The following CEP63 variants were observed in gnomAD, a reference collection of about 807,000 sequenced individuals.
CEP63 encodes the protein centrosomal protein of 63 kDa.
Under a neutral mutation model 89.1 loss-of-function variants are expected in CEP63, and 84 were observed. That is an observed-to-expected ratio of 0.94 (90% CI 0.79 to 1.13). CEP63 has a LOEUF of 1.13. Ranked by LOEUF, CEP63 falls within the 50% of genes most tolerant of loss-of-function variation. The pLI is 0.00. For synonymous variants in CEP63, 267 were observed against 272.5 expected, an observed-to-expected ratio of 0.98 and a Z score of 0.20; for missense variants, 838 against 813.3, an observed-to-expected ratio of 1.03 and a Z score of -0.37.
At chr3:134,775,440 C>T in the CEP63 span, among the ~76,000 whole-genome samples, 1 of 152,182 alleles carries the variant, frequency 6.6e-6, no homozygotes, top group Middle Eastern at 3.2e-3. Context: ...CTGAGGCTTT[C>T]CCTGAAGTGG....
intron 5 of CEP63, chr3:134,535,896 T>G (rs1950680779): frequency 6.6e-6 from 1 of 152,232 alleles, no homozygotes; most frequent in Admixed American, 6.5e-5. Context: ...GCAGCTTCTC[T>G]TAAAAATCTG....
chr3:134,736,815 T>TTA, the CEP63 span, among the ~76,000 whole-genome samples: 1 of 152,174 alleles, frequency 6.6e-6, no homozygotes, highest in Non-Finnish European at 1.5e-5. Context: ...GGAAGAACAT[T>TTA]CATCCCAGAT....
At chr3:134,653,962 T>A in the CEP63 span, among the ~76,000 whole-genome samples, 1 of 152,356 alleles carries the variant, frequency 6.6e-6, no homozygotes, top group Non-Finnish European at 1.5e-5. Context: ...TTAATCTGCA[T>A]CCTTGTCTTA....
At chr3:134,726,982 A>G in the CEP63 span, among the ~76,000 whole-genome samples, 4 of 135,786 alleles carry the variant, frequency 2.9e-5, no homozygotes, top group South Asian at 9.5e-4. Context: ...CTTCCTCATG[A>G]TCTCTCTCTC....
chr3:134,687,388 G>A, the CEP63 span, among the ~76,000 whole-genome samples: 4 of 152,214 alleles, frequency 2.6e-5, no homozygotes, highest in Non-Finnish European at 4.4e-5. Flanking sequence ...AACACAGAGC[G>A]GTGAGCTTCA....
the CEP63 span, chr3:134,650,730 C>CG: frequency 8.3e-7 from 1 of 1,202,758 alleles, no homozygotes; most frequent in South Asian, 1.6e-5. Flanking sequence ...TGACCTCGTT[C>CG]GGGGGAGCAA....
the CEP63 span, among the ~76,000 whole-genome samples, chr3:134,616,074 A>C: frequency 1.3e-5 from 2 of 152,248 alleles, no homozygotes; most frequent in South Asian, 2.1e-4. Context: ...CAAGAGCAGC[A>C]GTCTGGGGAA....
the CEP63 span, among the ~76,000 whole-genome samples, chr3:134,730,328 C>T: frequency 1.3e-5 from 2 of 152,140 alleles, no homozygotes; most frequent in Non-Finnish European, 2.9e-5. Flanking sequence ...TTAGGCGAGG[C>T]AGGTTGGGGA....
chr3:134,753,144 G>C, the CEP63 span, among the ~76,000 whole-genome samples: 6 of 152,220 alleles, frequency 3.9e-5, no homozygotes, highest in Admixed American at 3.9e-4. Flanking sequence ...CTGGAGAATG[G>C]TCTTTCTCAC....
intron 1 of CEP63, among the ~76,000 whole-genome samples, chr3:134,491,522 A>T (rs1937559946): frequency 6.6e-6 from 1 of 152,166 alleles, no homozygotes; most frequent in Non-Finnish European, 1.5e-5. Flanking sequence ...GCACTTTTTC[A>T]TATAAAAGTT....
the CEP63 span, among the ~76,000 whole-genome samples, chr3:134,715,967 T>G: frequency 6.6e-6 from 1 of 151,310 alleles, no homozygotes; most frequent in South Asian, 2.3e-4. Flanking sequence ...CCTTGTAGGT[T>G]CTTTCAAAGA....
the CEP63 span, among the ~76,000 whole-genome samples, chr3:134,778,141 A>T: frequency 4.8e-5 from 7 of 145,746 alleles, no homozygotes; most frequent in Non-Finnish European, 8.9e-5. Flanking sequence ...CTTGTCATCC[A>T]GGCTGGAGTG....
the CEP63 span, among the ~76,000 whole-genome samples, chr3:134,616,738 G>A: frequency 1.3e-5 from 2 of 152,188 alleles, no homozygotes; most frequent in Admixed American, 1.3e-4. Flanking sequence ...TTTCACTCAA[G>A]GCAAGTGTCA....
At chr3:134,581,663 C>T (rs1042484962) in intron 10 of CEP63, among the ~76,000 whole-genome samples, 6 of 146,146 alleles carry the variant, frequency 4.1e-5, no homozygotes, top group Non-Finnish European at 7.4e-5. Context: ...ACTCAATACA[C>T]ATTCATGATG....
chr3:134,707,477 T>A, the CEP63 span, among the ~76,000 whole-genome samples: 1 of 152,162 alleles, frequency 6.6e-6, no homozygotes, highest in South Asian at 2.1e-4. Flanking sequence ...AGATAAGGGA[T>A]CTCTGTGTCT....
rs1553770392 is a variant in CEP63 at position 134,538,533 on chromosome 3, G to GTGTGTATATA, written c.555+1266_555+1267insGTGTATATAT. Among the ~76,000 whole-genome samples the GTGTGTATATA allele has an allele frequency of 3.0e-5, 3 of 101,372 alleles. No homozygotes were observed. In the East Asian group the frequency reaches 1.2e-3, roughly 41 times the overall value. 66.5% of individuals were successfully genotyped at this position (101,372 alleles called of 152,430 possible). On this transcript the variant is annotated intron_variant, in intron 6 of 14. Transcript: ENST00000675561. ...ACCTAATAAGAAATTGTGTGTGTGTGTATATATATATATATATATATGTAT... is the reference window on the plus strand; with the variant it reads ...ACCTAATAAGAAATTGTGTGTGTGTGTGTGTATATATATATATATATATATATATATGTAT...
At chr3:134,726,944 A>G in the CEP63 span, among the ~76,000 whole-genome samples, 1 of 152,020 alleles carries the variant, frequency 6.6e-6, no homozygotes, top group Admixed American at 6.5e-5. Context: ...TTTAAAAGCT[A>G]CTTTTAAAAA....
the CEP63 span, chr3:134,779,754 G>T: frequency 6.6e-6 from 1 of 152,174 alleles, no homozygotes; most frequent in Non-Finnish European, 1.5e-5. Flanking sequence ...CCAAAATGTG[G>T]TGGTGAGCCA....
chr3:134,559,150 G>T lies in CEP63; in HGVS notation c.1674G>T (p.Lys558Asn), dbSNP rs2110118161. 6.2e-7 allele frequency: 1 copy of T among 1,613,800 alleles called. No individual in the cohort carries two copies. The highest frequency in any genetic ancestry group is 8.5e-7 in the Non-Finnish European group (1 of 1,179,900). The change falls in exon 14 of 15, where the codon AAG (lysine) becomes AAT (asparagine). Residue 558 changes from lysine (K) to asparagine (N), a missense_variant and splice_region_variant. By Grantham distance (94) the Lys-to-Asn change is moderately conservative. Transcript: ENST00000675561. ...RTTEFKNTEF[K>N]PTHGQHRHDG... The stretch of plus-strand genomic sequence containing the variant: ...TTTTGTTTTCTAATCTACCATCCAG[G>T]CCAACCCATGGCCAGCACAGACATG...
Sources: allele counts gnomAD v4.1 joint callset (sites outside exome capture counted in the v4.1 genomes callset), GRCh38; gene constraint gnomAD v4.1.1; transcripts MANE v1.5; gene names NCBI Gene and HGNC (gene_info 2026-07-23, HGNC 2026-07-21).